Variants in FRMPD4 observed in about 807,000 individuals in gnomAD.
The protein encoded by FRMPD4 is FERM and PDZ domain containing 4, also known as FERM and PDZ domain-containing protein 4.
A neutral mutation model predicts 94.1 loss-of-function variants in FRMPD4; 22 were observed. The observed-to-expected ratio is 0.23, with a 90% CI of 0.17 to 0.33. The LOEUF is 0.33. Among genes scored for constraint, FRMPD4 ranks in the 10% least tolerant of loss-of-function variants. The probability of loss-of-function intolerance (pLI) is 1.00; values close to 1 mark genes in which losing one functional copy is unlikely to be tolerated. For missense variants in FRMPD4, 1,111 were observed against 1,339.9 expected, an observed-to-expected ratio of 0.83 and a Z score of 2.67; for synonymous variants, 631 against 548.6, an observed-to-expected ratio of 1.15 and a Z score of -2.10.
At chrX:12,254,923 C>T (rs1202788015) in intron 1 of FRMPD4, among the ~76,000 whole-genome samples, 1 of 110,251 alleles carries the variant, frequency 9.1e-6, no homozygotes, top group Non-Finnish European at 1.9e-5. Flanking sequence ...CAGAATTTGA[C>T]ATTTTCATAA....
At chrX:11,883,199 G>A (rs977327723) in intron 3 of FRMPD4, among the ~76,000 whole-genome samples, 2 of 111,989 alleles carry the variant, frequency 1.8e-5, no homozygotes, top group Admixed American at 9.5e-5. Context: ...CACCTAGTAA[G>A]TAGATGTTAG....
chrX:12,350,017 G>A (rs942755984), intron 1 of FRMPD4, among the ~76,000 whole-genome samples: 12 of 111,660 alleles, frequency 1.1e-4, no homozygotes, highest in African/African-American at 3.9e-4. Flanking sequence ...AGGAAGCTAT[G>A]TGCATTGATT....
At chrX:12,165,249 T>G (rs1490260527) in intron 1 of FRMPD4, among the ~76,000 whole-genome samples, 5 of 112,256 alleles carry the variant, frequency 4.5e-5, no homozygotes, top group African/African-American at 1.6e-4. Flanking sequence ...AAGGGATCCA[T>G]TTTCAGCTTT....
At chrX:12,173,302 C>T in intron 1 of FRMPD4, among the ~76,000 whole-genome samples, 1 of 112,577 alleles carries the variant, frequency 8.9e-6, no homozygotes, top group African/African-American at 3.2e-5. Flanking sequence ...CCAGCAGATA[C>T]ATTTGGGGCA....
intron 1 of FRMPD4, among the ~76,000 whole-genome samples, chrX:12,143,414 T>C (rs186567625): frequency 5.6e-4 from 63 of 112,898 alleles, no homozygotes; most frequent in African/African-American, 1.9e-3. Flanking sequence ...ACATGTCCAT[T>C]CATTTATGTA....
intron 3 of FRMPD4, among the ~76,000 whole-genome samples, chrX:11,911,077 AG>A (rs2053994516): frequency 8.9e-6 from 1 of 112,386 alleles, no homozygotes; most frequent in Non-Finnish European, 1.9e-5. Flanking sequence ...ATAGATGGTT[AG>A]GCTTTGCCAT....
intron 3 of FRMPD4, among the ~76,000 whole-genome samples, chrX:12,126,080 A>G (rs998484415): frequency 8.9e-6 from 1 of 112,518 alleles, no homozygotes; most frequent in Non-Finnish European, 1.9e-5. Context: ...AACAATTGAG[A>G]TAACATTTTG....
intron 1 of FRMPD4, among the ~76,000 whole-genome samples, chrX:12,386,368 A>G (rs1297710131): frequency 8.9e-6 from 1 of 112,346 alleles, no homozygotes; most frequent in Non-Finnish European, 1.9e-5. Flanking sequence ...AGGAAAATTT[A>G]TGAGCAGCCA....
intron 2 of FRMPD4, among the ~76,000 whole-genome samples, chrX:11,873,160 C>T (rs1487107832): frequency 2.7e-5 from 3 of 111,289 alleles, no homozygotes; most frequent in Non-Finnish European, 5.7e-5. Context: ...TTTAAGAATG[C>T]TTTACCCCTA....
intron 1 of FRMPD4, among the ~76,000 whole-genome samples, chrX:12,209,265 A>G (rs1019458213): frequency 8.9e-5 from 10 of 112,344 alleles, no homozygotes; most frequent in Middle Eastern, 4.7e-3. Context: ...ACATTTTTGT[A>G]TTTCATAGAA....
chrX:12,418,350 C>CTTTTTTTTT (rs540740432), intron 1 of FRMPD4, among the ~76,000 whole-genome samples: 7 of 81,073 alleles, frequency 8.6e-5, no homozygotes, highest in East Asian at 4.1e-4. Context: ...GTGTTTCTTT[C>CTTTTTTTTT]TTTTTTTTTT....
Position 12,499,450 on chromosome X carries a change from C to T in FRMPD4, c.158+654C>T, listed in dbSNP as rs534869682. Among the ~76,000 whole-genome samples, 20 of 111,888 alleles carry T rather than the reference C, an allele frequency of 1.8e-4. No individual in the cohort carries two copies. In the South Asian group the frequency reaches 7.6e-3, roughly 42 times the overall value. On this transcript the variant is annotated intron_variant, in intron 2 of 16. Transcript: ENST00000675598. The stretch of plus-strand genomic sequence containing the variant: ...ACATCCACAATGTTGTGCAACCATT[C>T]GCTACTATCCATTTCCAGAACTTTT...
chrX:11,825,704 A>G (rs916520870), intron 1 of FRMPD4, among the ~76,000 whole-genome samples: 1 of 111,925 alleles, frequency 8.9e-6, no homozygotes. Context: ...TCCAAACAAG[A>G]TTATTAGTTG....
intron 4 of FRMPD4, among the ~76,000 whole-genome samples, chrX:12,623,166 GAA>G (rs1263166218): frequency 1.6e-3 from 3 of 1,841 alleles, no homozygotes; most frequent in African/African-American, 4.1e-3. Flanking sequence ...GAGAAAGAAA[GAA>G]AGAAAGAAAG....
chrX:12,679,497 G>T (rs769167224), intron 5 of FRMPD4, among the ~76,000 whole-genome samples: 2 of 111,353 alleles, frequency 1.8e-5, no homozygotes, highest in Non-Finnish European at 3.8e-5. Flanking sequence ...AATTTCATTG[G>T]TCTCTTTAAA....
At chrX:12,383,642 T>C (rs1364620562) in intron 1 of FRMPD4, among the ~76,000 whole-genome samples, 1 of 111,720 alleles carries the variant, frequency 9.0e-6, no homozygotes, top group African/African-American at 3.3e-5. Context: ...ACGCCTAGCA[T>C]ATATTAGGTT....
At chrX:12,267,055 G>A (rs925423788) in intron 1 of FRMPD4, among the ~76,000 whole-genome samples, 1 of 112,149 alleles carries the variant, frequency 8.9e-6, no homozygotes, top group African/African-American at 3.2e-5. Context: ...ACAGCATATT[G>A]TACAGTGTTA....
At chrX:12,053,515 G>A (rs2054837139) in intron 3 of FRMPD4, among the ~76,000 whole-genome samples, 1 of 108,877 alleles carries the variant, frequency 9.2e-6, no homozygotes, top group Non-Finnish European at 1.9e-5. Flanking sequence ...AGGAAGGAAG[G>A]AAAGAAGGAA....
chrX:11,872,606 C>T (rs995080342), intron 2 of FRMPD4, among the ~76,000 whole-genome samples: 1 of 111,960 alleles, frequency 8.9e-6, no homozygotes, highest in African/African-American at 3.2e-5. Context: ...AAAAGTAGAG[C>T]CAACACTTCC....
Sources: gnomAD v4.1 joint callset for allele counts (sites outside exome capture counted in the v4.1 genomes callset) on GRCh38, gnomAD v4.1.1 for gene constraint, MANE v1.5 for transcripts, NCBI Gene and HGNC (gene_info 2026-07-23, HGNC 2026-07-21) for gene names.